GSE1: variants seen among roughly 807,000 people sequenced by gnomAD.
The protein encoded by GSE1 is Gse1 coiled-coil protein, also known as genetic suppressor element 1.
In GSE1, 32 loss-of-function variants were observed where a neutral mutation model predicts 112.6. The observed-to-expected ratio is 0.28, with a 90% CI of 0.21 to 0.38. The LOEUF (loss-of-function observed/expected upper bound fraction) is 0.38, where lower values mean the gene tolerates loss of function less well. GSE1 is among the 10% of genes least tolerant of loss of function. The probability of loss-of-function intolerance (pLI) is 1.00; values close to 1 mark genes in which losing one functional copy is unlikely to be tolerated. For missense variants in GSE1, 2,348 were observed against 1,699.2 expected (o/e 1.38, Z -6.71); for synonymous variants, 1,115 against 735.6 (o/e 1.52, Z -8.35).
chr16:85,634,836 T>C (rs1485851346), intron 2 of GSE1, among the ~76,000 whole-genome samples: 1 of 152,170 alleles, frequency 6.6e-6, no homozygotes, highest in Non-Finnish European at 1.5e-5. Context: ...GCGATGACCA[T>C]TGGCAGGGGC....
chr16:85,587,109 C>G (rs1314073466), intron 1 of GSE1, among the ~76,000 whole-genome samples: 1 of 151,768 alleles, frequency 6.6e-6, no homozygotes, highest in Non-Finnish European at 1.5e-5. Flanking sequence ...GGGCCTCGGC[C>G]TCTGGCGGGA....
chr16:85,384,864 G>C (rs925988593), intron 2 of GSE1, among the ~76,000 whole-genome samples: 1 of 152,236 alleles, frequency 6.6e-6, no homozygotes, highest in African/African-American at 2.4e-5. Context: ...TCCGAGTCTT[G>C]CTGGGCTTTT....
intron 2 of GSE1, among the ~76,000 whole-genome samples, chr16:85,383,632 G>A (rs1056197475): frequency 6.6e-6 from 1 of 151,354 alleles, no homozygotes; most frequent in Non-Finnish European, 1.5e-5. Context: ...AGTTTCCTCA[G>A]AAGCCGACCA....
At chr16:85,667,764 CAGG>C (rs2052991396) in intron 13 of GSE1, among the ~76,000 whole-genome samples, 2 of 152,162 alleles carry the variant, frequency 1.3e-5, no homozygotes, top group Admixed American at 6.5e-5. Context: ...GAGGCTGAGG[CAGG>C]AGAATTGCTT....
At chr16:85,569,639 G>T (rs929358082) in intron 1 of GSE1, among the ~76,000 whole-genome samples, 15 of 152,246 alleles carry the variant, frequency 9.9e-5, no homozygotes, top group African/African-American at 2.4e-4. Context: ...AGAAGCTCCA[G>T]CGCAGGACCT....
At chr16:85,650,826 C>T (rs953024610) in intron 3 of GSE1, among the ~76,000 whole-genome samples, 15 of 151,344 alleles carry the variant, frequency 9.9e-5, no homozygotes, top group Admixed American at 3.3e-4. Context: ...GGCCATGAGT[C>T]TCCGAGGCTG....
intron 1 of GSE1, among the ~76,000 whole-genome samples, chr16:85,235,912 C>G (rs1268882337): frequency 1.3e-5 from 2 of 151,978 alleles, no homozygotes; most frequent in East Asian, 3.9e-4. Context: ...CCGGGCGCTA[C>G]CTTCCAGGAA....
intron 2 of GSE1, among the ~76,000 whole-genome samples, chr16:85,645,013 TCTC>T (rs1179023027): frequency 2.0e-5 from 3 of 151,684 alleles, no homozygotes; most frequent in Admixed American, 6.6e-5. Context: ...TGAGGCCTGT[TCTC>T]CTGTCCCCAC....
chr16:85,548,411 A>G (rs892761385), intron 2 of GSE1, among the ~76,000 whole-genome samples: 1 of 151,246 alleles, frequency 6.6e-6, no homozygotes, highest in Non-Finnish European at 1.5e-5. Context: ...ATTTGCACCC[A>G]TTAATCAACT....
At chr16:85,252,368 C>T (rs1906583206) in intron 1 of GSE1, among the ~76,000 whole-genome samples, 1 of 152,222 alleles carries the variant, frequency 6.6e-6, no homozygotes, top group South Asian at 2.1e-4. Flanking sequence ...CTGGAATCTT[C>T]CTCCCTCCCC....
Position 85,656,411 on chromosome 16 carries a change from C to CGAACGCGAGAA in GSE1, c.1058_1059insGAACGCGAGAA (p.Asp354AsnfsTer83), listed in dbSNP as rs1226697604. On this transcript the variant is annotated frameshift_variant, in exon 7 of 16. Transcript: ENST00000253458. LOFTEE classifies it high-confidence loss of function. ...CGCGAGCGCGAGCGTGAGCGTGAGGCTGACCGCGAGCGGGAGAAGGAACGT... is the reference window on the plus strand; with the variant it reads ...CGCGAGCGCGAGCGTGAGCGTGAGGCGAACGCGAGAATGACCGCGAGCGGGAGAAGGAACGT... 1.3e-6 allele frequency: 2 copies of CGAACGCGAGAA among 1,567,620 alleles called. No individual in the cohort carries two copies. The highest frequency in any genetic ancestry group is 2.8e-5 in the African/African-American group (2 of 70,916).
At chr16:85,555,645 C>A, upstream of GSE1, 5 of 959,794 alleles carry the variant, frequency 5.2e-6, no homozygotes, top group Non-Finnish European at 4.9e-6. Flanking sequence ...GCCGATTTCT[C>A]CTTGGCAACA....
At chr16:85,668,044 T>G in intron 13 of GSE1, 96 bp from the exon 14 acceptor site, 1 of 935,178 alleles carries the variant, frequency 1.1e-6, no homozygotes, top group Non-Finnish European at 1.6e-6. Flanking sequence ...GCAGTCATGT[T>G]GACTCTGCAC....
chr16:85,530,421 G>A lies in GSE1; in HGVS notation c.2465-103493G>A, dbSNP rs766163226. ...GGATATAGGATACTTTGGGGATGTC[G>A]GAAAGAAATAATAATCTTACGATTT... is the stretch of plus-strand genomic sequence containing the variant. On this transcript the variant is annotated intron_variant, in intron 2 of 2. Coordinates refer to the GSE1 transcript ENST00000637419. 4.6e-5 allele frequency among the ~76,000 whole-genome samples: 7 copies of A among 152,268 alleles called. No individual in the cohort carries two copies. The South Asian group carries it at 6.2e-4, about 14-fold the overall frequency.
At chr16:85,571,617 G>A (rs901410640) in intron 1 of GSE1, among the ~76,000 whole-genome samples, 3 of 152,246 alleles carry the variant, frequency 2.0e-5, no homozygotes, top group African/African-American at 7.2e-5. Context: ...GGAGGTCTTT[G>A]CCGTGTTTGG....
intron 1 of GSE1, among the ~76,000 whole-genome samples, chr16:85,604,060 C>A (rs2047578950): frequency 6.6e-6 from 1 of 152,130 alleles, no homozygotes; most frequent in Non-Finnish European, 1.5e-5. Context: ...AATTTACAAT[C>A]ATGAGGGAAG....
intron 1 of GSE1, among the ~76,000 whole-genome samples, chr16:85,287,847 C>G (rs1478469614): frequency 6.6e-6 from 1 of 152,188 alleles, no homozygotes; most frequent in Non-Finnish European, 1.5e-5. Flanking sequence ...CATGGCTGGT[C>G]TGTTTTGTTC....
chr16:85,547,135 C>T (rs1452788811), intron 2 of GSE1, among the ~76,000 whole-genome samples: 1 of 152,228 alleles, frequency 6.6e-6, no homozygotes, highest in Non-Finnish European at 1.5e-5. Flanking sequence ...TGGCTTGACC[C>T]AGCTGTGGCC....
intron 2 of GSE1, among the ~76,000 whole-genome samples, chr16:85,482,702 G>A (rs1282712998): frequency 6.6e-6 from 1 of 152,228 alleles, no homozygotes; most frequent in Non-Finnish European, 1.5e-5. Context: ...GCTCAGGCGA[G>A]CACAGTGGCT....
Sources: gnomAD v4.1 joint callset for allele counts (sites outside exome capture counted in the v4.1 genomes callset) on GRCh38, gnomAD v4.1.1 for gene constraint, MANE v1.5 for transcripts, NCBI Gene and HGNC (gene_info 2026-07-23, HGNC 2026-07-21) for gene names.